Variants in SGCZ observed in about 807,000 individuals in gnomAD.
SGCZ encodes the protein zeta-sarcoglycan.
In SGCZ, 40 loss-of-function variants were observed where a neutral mutation model predicts 41.3. That is an observed-to-expected ratio of 0.97 (90% CI 0.75 to 1.26). SGCZ has a LOEUF of 1.26. Ranked by LOEUF, SGCZ falls within the 50% of genes most tolerant of loss-of-function variation. The probability of loss-of-function intolerance (pLI) is 0.00; values close to 1 mark genes in which losing one functional copy is unlikely to be tolerated. For synonymous variants in SGCZ, 206 were observed against 137.5 expected (o/e 1.50, Z -3.49); for missense variants, 552 against 369.8 (o/e 1.49, Z -4.04).
In SGCZ at chr8:14,606,466, G is replaced by A. The variant is rs552359997; in HGVS notation, c.40-51540C>T. On this transcript the variant is annotated intron_variant, in intron 1 of 7. Transcript: ENST00000382080. ...TCACTATGTATTAAGTTGTTGTTGA[G>A]AACTTCTCAGCATTCTGGCTTCTTC... 2.0e-5 allele frequency among the ~76,000 whole-genome samples: 3 copies of A among 152,228 alleles called. No homozygotes were observed. In the South Asian group the frequency reaches 6.2e-4, roughly 32 times the overall value.
At chr8:15,203,789 T>A (rs563495818) in intron 1 of SGCZ, among the ~76,000 whole-genome samples, 1 of 152,144 alleles carries the variant, frequency 6.6e-6, no homozygotes, top group Non-Finnish European at 1.5e-5. Context: ...TCAAAGGAAA[T>A]ATCCAAGAAA....
At chr8:14,451,590 G>T (rs7830888) in intron 2 of SGCZ, among the ~76,000 whole-genome samples, 2 of 151,894 alleles carry the variant, frequency 1.3e-5, no homozygotes, top group Non-Finnish European at 2.9e-5. Context: ...GCAAAAGACA[G>T]ATCTGATAAA....
At chr8:14,898,616 G>T (rs1169381837) in intron 1 of SGCZ, among the ~76,000 whole-genome samples, 1 of 152,252 alleles carries the variant, frequency 6.6e-6, no homozygotes, top group Non-Finnish European at 1.5e-5. Context: ...GAAGTGAAAA[G>T]ATTTGAGAAT....
At chr8:15,222,096 T>C (rs1801623929) in intron 1 of SGCZ, among the ~76,000 whole-genome samples, 1 of 152,218 alleles carries the variant, frequency 6.6e-6, no homozygotes, top group African/African-American at 2.4e-5. Flanking sequence ...GGTTAGACTA[T>C]GAAAGCATTT....
intron 1 of SGCZ, among the ~76,000 whole-genome samples, chr8:14,906,323 T>C (rs1421934286): frequency 1.3e-5 from 2 of 152,120 alleles, no homozygotes; most frequent in Non-Finnish European, 2.9e-5. Context: ...ATGTTACTTC[T>C]TGAATACTCT....
intron 1 of SGCZ, among the ~76,000 whole-genome samples, chr8:15,016,364 T>A (rs764187494): frequency 7.9e-5 from 12 of 152,216 alleles, no homozygotes; most frequent in Non-Finnish European, 1.3e-4. Flanking sequence ...CATGGCCATC[T>A]GATCCACCAG....
At chr8:14,186,606 G>A (rs769406176) in intron 4 of SGCZ, among the ~76,000 whole-genome samples, 9 of 152,132 alleles carry the variant, frequency 5.9e-5, no homozygotes, top group Non-Finnish European at 1.0e-4. Context: ...TACTGAGAGA[G>A]AAACTTACCA....
intron 1 of SGCZ, among the ~76,000 whole-genome samples, chr8:15,194,918 A>C (rs1402090880): frequency 6.6e-6 from 1 of 152,234 alleles, no homozygotes; most frequent in East Asian, 1.9e-4. Context: ...GCTGAAACAA[A>C]ATTAACACAT....
rs1804924464 is a variant in SGCZ, at chr8:14,582,502, T to A, written c.40-27576A>T. Among the ~76,000 whole-genome samples, 4 of 152,130 alleles carry A rather than the reference T, an allele frequency of 2.6e-5. No individual in the cohort carries two copies. In the South Asian group the frequency reaches 8.3e-4, roughly 31 times the overall value. On this transcript the variant is annotated intron_variant, in intron 1 of 7. Transcript: ENST00000382080. ...ACTTCTGAAAGTTCCCACACTCTTTTCTTTAAATTTATTTTATTATTATCA... is the reference window on the plus strand; with the variant it reads ...ACTTCTGAAAGTTCCCACACTCTTTACTTTAAATTTATTTTATTATTATCA...
intron 1 of SGCZ, among the ~76,000 whole-genome samples, chr8:14,865,327 C>A (rs1196006341): frequency 6.6e-6 from 1 of 151,960 alleles, no homozygotes; most frequent in African/African-American, 2.4e-5. Context: ...GTCCTGGGTT[C>A]TTTTTTCCAC....
intron 2 of SGCZ, among the ~76,000 whole-genome samples, chr8:14,360,270 G>C (rs1322077436): frequency 6.6e-6 from 1 of 151,008 alleles, no homozygotes; most frequent in Non-Finnish European, 1.5e-5. Flanking sequence ...AGAGCAATCA[G>C]AAAAGAGAAA....
intron 1 of SGCZ, among the ~76,000 whole-genome samples, chr8:14,743,964 T>C (rs998063997): frequency 6.6e-6 from 1 of 152,144 alleles, no homozygotes; most frequent in Non-Finnish European, 1.5e-5. Flanking sequence ...TGTTTCATAA[T>C]CTTTTCCTCT....
At chr8:15,056,624 T>C (rs1192551756) in intron 1 of SGCZ, among the ~76,000 whole-genome samples, 1 of 152,186 alleles carries the variant, frequency 6.6e-6, no homozygotes, top group Non-Finnish European at 1.5e-5. Context: ...AACTGTATTT[T>C]AATCTAAATG....
intron 1 of SGCZ, among the ~76,000 whole-genome samples, chr8:15,228,318 T>C (rs1027681878): frequency 6.6e-6 from 1 of 152,212 alleles, no homozygotes; most frequent in Non-Finnish European, 1.5e-5. Context: ...TAAATGTTCA[T>C]AATTTCTCCC....
intron 2 of SGCZ, among the ~76,000 whole-genome samples, chr8:14,457,977 G>A (rs146987041): frequency 0.02 from 3,100 of 152,172 alleles, 49 homozygotes; most frequent in Non-Finnish European, 0.032. Flanking sequence ...ACCACGCACA[G>A]GGAGAGACCC....
chr8:14,122,804 G>A (rs1802740717), intron 5 of SGCZ, among the ~76,000 whole-genome samples: 1 of 143,722 alleles, frequency 7.0e-6, no homozygotes, highest in Non-Finnish European at 1.5e-5. Context: ...ATACTGTTCA[G>A]TATGCAGAGA....
intron 2 of SGCZ, among the ~76,000 whole-genome samples, chr8:14,332,093 G>C (rs1802348480): frequency 6.6e-6 from 1 of 151,796 alleles, no homozygotes; most frequent in Admixed American, 6.6e-5. Context: ...TAGCCTCAAA[G>C]AACATATATA....
At chr8:14,688,501 T>C (rs1433604702) in intron 1 of SGCZ, among the ~76,000 whole-genome samples, 1 of 152,140 alleles carries the variant, frequency 6.6e-6, no homozygotes, top group Non-Finnish European at 1.5e-5. Context: ...GATCAGATAG[T>C]TGTAGATATG....
intron 4 of SGCZ, among the ~76,000 whole-genome samples, chr8:14,235,754 G>A (rs529396191): frequency 6.6e-6 from 1 of 151,970 alleles, no homozygotes; most frequent in Non-Finnish European, 1.5e-5. Context: ...GCCCAATCTC[G>A]GCTCACTGCA....
Sources: allele counts gnomAD v4.1 joint callset (sites outside exome capture counted in the v4.1 genomes callset), GRCh38; gene constraint gnomAD v4.1.1; transcripts MANE v1.5; gene names NCBI Gene and HGNC (gene_info 2026-07-23, HGNC 2026-07-21).